The following PTPRC variants were observed in gnomAD, a reference collection of about 807,000 sequenced individuals.
PTPRC encodes protein tyrosine phosphatase receptor type C.
In PTPRC, 44 loss-of-function variants were observed where a neutral mutation model predicts 155.9. The ratio of observed to expected loss-of-function variants is 0.28; its 90% CI spans 0.22 to 0.36. The LOEUF is 0.36. PTPRC is among the 10% of genes least tolerant of loss of function. PTPRC has a pLI of 1.00. For synonymous variants in PTPRC, 525 were observed against 533.1 expected, an observed-to-expected ratio of 0.98 and a Z score of 0.21; for missense variants, 1,401 against 1,564.6, an observed-to-expected ratio of 0.90 and a Z score of 1.76.
Position 198,732,403 on chromosome 1 carries a change from T to A in PTPRC, c.2065+13T>A. On this transcript the variant is annotated intron_variant, in intron 19 of 32. Transcript: ENST00000442510. ...GACATTCTTCCTTGTGAGTATTTAT[T>A]GAGTGCTGAATTCCCATATATTAGG... The A allele has an allele frequency of 6.2e-7, 1 of 1,606,490 alleles. No homozygotes were observed. Among genetic ancestry groups the A allele is most frequent in the Non-Finnish European group, 8.5e-7 (1 of 1,173,618 alleles).
intron 15 of PTPRC, 36 bp from the exon 16 acceptor site, chr1:198,728,304 C>T (rs1172348989): frequency 6.5e-7 from 1 of 1,544,246 alleles, no homozygotes; most frequent in Non-Finnish European, 8.9e-7. Context: ...AGTTATTTGA[C>T]AATCGTTCTC....
chr1:198,695,016 T>A (rs1052820820), intron 3 of PTPRC: 2 of 953,342 alleles, frequency 2.1e-6, no homozygotes, highest in Non-Finnish European at 2.5e-6. Flanking sequence ...ATAACACACA[T>A]AACAAGTCTA....
intron 32 of PTPRC, among the ~76,000 whole-genome samples, chr1:198,755,469 A>AATG (rs1321373929): frequency 1.4e-5 from 2 of 145,840 alleles, no homozygotes; most frequent in African/African-American, 5.2e-5. Context: ...TTTACTAATC[A>AATG]ATGTAGTGAG....
At chr1:198,704,451 C>T (rs778515139) in intron 7 of PTPRC, 21 bp from the exon 8 acceptor site, 2 of 1,613,590 alleles carry the variant, frequency 1.2e-6, no homozygotes, top group African/African-American at 1.3e-5. Flanking sequence ...TAATAATTTA[C>T]ATTTTTTTTC....
chr1:198,684,563 A>G (rs1459767673), intron 2 of PTPRC, among the ~76,000 whole-genome samples: 1 of 151,966 alleles, frequency 6.6e-6, no homozygotes, highest in South Asian at 2.1e-4. Context: ...AAATAGTACC[A>G]TAAGGCCTAG....
chr1:198,655,145 G>A (rs1442365099), intron 2 of PTPRC, among the ~76,000 whole-genome samples: 1 of 151,614 alleles, frequency 6.6e-6, no homozygotes, highest in Non-Finnish European at 1.5e-5. Flanking sequence ...TATTTACTGA[G>A]AGACAAGTAT....
chr1:198,750,413 A>G, intron 28 of PTPRC, 79 bp from the exon 29 acceptor site: 1 of 1,456,286 alleles, frequency 6.9e-7, no homozygotes, highest in Non-Finnish European at 9.6e-7. Flanking sequence ...AACTGACTAT[A>G]TTTCCAAATG....
intron 15 of PTPRC, among the ~76,000 whole-genome samples, chr1:198,724,676 TTCTCTC>T (rs59471727): frequency 0.011 from 1,698 of 148,644 alleles, 31 homozygotes; most frequent in African/African-American, 0.039. Flanking sequence ...TCCATCCTGA[TTCTCTC>T]TCTCTCTCTC....
chr1:198,660,504 T>TGTGTGTGTG (rs1663903197), intron 2 of PTPRC: 3 of 136,844 alleles, frequency 2.2e-5, no homozygotes, highest in South Asian at 2.4e-4. Flanking sequence ...GTGTGTGTGG[T>TGTGTGTGTG]GTGTGTGTGT....
rs117726272 is a variant in PTPRC, at chr1:198,650,833, A to G, written c.73+11492A>G. Among the ~76,000 whole-genome samples, 89 of 151,904 alleles carry G rather than the reference A, an allele frequency of 5.9e-4. 2 individuals are homozygous for G. In the East Asian group the frequency reaches 0.016, roughly 28 times the overall value. On this transcript the variant is annotated intron_variant, in intron 2 of 32. Transcript: ENST00000442510. ...ACACAAGGAGGAGCTAGGAAAAGAT[A>G]GTGAGAAGAGGTAGCCAGTGAAAAA...
At chr1:198,703,648 T>TC in intron 7 of PTPRC, 1 of 534,558 alleles carries the variant, frequency 1.9e-6, no homozygotes, top group Non-Finnish European at 3.3e-6. Flanking sequence ...GGGGTTTAGG[T>TC]CTTAGTAAGG....
chr1:198,679,995 T>C (rs1438209085), intron 2 of PTPRC: 11 of 612,790 alleles, frequency 1.8e-5, no homozygotes, highest in African/African-American at 3.8e-5. Context: ...GCCCGTCCAC[T>C]TCCTGCAGGC....
Position 198,696,794 on chromosome 1 carries a change from C to T in PTPRC, c.183C>T (p.Ser61=). Residue 61 remains serine, a synonymous_variant, in exon 4 of 33, where the codon AGC becomes AGT. Coordinates refer to ENST00000442510, the MANE Select transcript of PTPRC (RefSeq NM_002838.5). ...PTHTTAFSPA[S]TFERENDFSE... ...ACACCACTGCATTCTCACCCGCAAG[C>T]ACCTTTGAAAGAGAAAATGACTTCT... The T allele has an allele frequency of 6.2e-7, 1 of 1,614,016 alleles. No homozygotes were observed. The highest frequency in any genetic ancestry group is 8.5e-7 in the Non-Finnish European group (1 of 1,179,874).
chr1:198,705,666 C>T (rs917456903), intron 8 of PTPRC, among the ~76,000 whole-genome samples: 4 of 151,984 alleles, frequency 2.6e-5, no homozygotes, highest in Non-Finnish European at 4.4e-5. Flanking sequence ...GGTGATCAAC[C>T]TGACTCGGCC....
At chr1:198,723,044 C>A (rs567372093) in intron 15 of PTPRC, among the ~76,000 whole-genome samples, 2 of 151,054 alleles carry the variant, frequency 1.3e-5, no homozygotes, top group Non-Finnish European at 3.0e-5. Context: ...CATTCCCCAC[C>A]CACAATTCTG....
rs776720473 is a variant in PTPRC, at chr1:198,755,889, C to A, written c.3646-17C>A. 4 of 1,599,838 alleles carry A rather than the reference C, an allele frequency of 2.5e-6. No individual in the cohort carries two copies. Among genetic ancestry groups the A allele is most frequent in the Non-Finnish European group, 3.4e-6 (4 of 1,167,882 alleles). The stretch of plus-strand genomic sequence containing the variant: ...TCAACTTTCTTCATGTAATTTCCCA[C>A]TTAATTCCTTTACTAGGAGCAATAT... On this transcript the variant is annotated splice_polypyrimidine_tract_variant and intron_variant, in intron 32 of 32. Transcript: ENST00000442510.
intron 2 of PTPRC, among the ~76,000 whole-genome samples, chr1:198,678,716 A>G (rs1048606843): frequency 6.6e-6 from 1 of 151,686 alleles, no homozygotes; most frequent in African/African-American, 2.4e-5. Flanking sequence ...TATTAGGATC[A>G]CAAAGGCAGA....
intron 6 of PTPRC, among the ~76,000 whole-genome samples, chr1:198,702,946 C>A (rs564755573): frequency 6.6e-6 from 1 of 152,138 alleles, no homozygotes; most frequent in Admixed American, 6.6e-5. Context: ...ATGTAAAAAT[C>A]TGGTATGTAA....
intron 11 of PTPRC, among the ~76,000 whole-genome samples, chr1:198,711,975 T>C (rs185615742): frequency 6.6e-6 from 1 of 152,302 alleles, no homozygotes; most frequent in East Asian, 1.9e-4. Context: ...TACTACTAAC[T>C]ATTGGTCAGG....
Sources: gnomAD v4.1 joint callset for allele counts (sites outside exome capture counted in the v4.1 genomes callset) on GRCh38, gnomAD v4.1.1 for gene constraint, MANE v1.5 for transcripts, NCBI Gene and HGNC (gene_info 2026-07-23, HGNC 2026-07-21) for gene names.